The following BRAP variants were observed in gnomAD, a reference collection of about 807,000 sequenced individuals.
BRAP encodes the protein BRCA1-associated protein.
In BRAP, 42 loss-of-function variants were observed where a neutral mutation model predicts 73.4. The observed-to-expected ratio is 0.57, with a 90% CI of 0.45 to 0.74. The LOEUF (loss-of-function observed/expected upper bound fraction) is 0.74. Among genes scored for constraint, BRAP ranks in the 30% least tolerant of loss-of-function variants. The pLI is 0.00. For missense variants in BRAP, 593 were observed against 751.4 expected (o/e 0.79, Z 2.46); for synonymous variants, 255 against 267.4 (o/e 0.95, Z 0.45).
In BRAP at chr12:111,679,291, T is replaced by C; in HGVS notation, c.493A>G (p.Ile165Val). 1 of 1,605,988 alleles carries C rather than the reference T, an allele frequency of 6.2e-7. No homozygotes were observed. Among genetic ancestry groups the C allele is most frequent in the Non-Finnish European group, 8.5e-7 (1 of 1,175,472 alleles). ...EDVRRSAMLC[I>V]LTVPAAMTSH... Reference sequence around the variant, plus strand: ...GTCATTGCAGCAGGGACTGTGAGAATACACAGCATGGCACTGCGCCGCACA... The same window carrying C: ...GTCATTGCAGCAGGGACTGTGAGAACACACAGCATGGCACTGCGCCGCACA... Residue 165 changes from isoleucine (I) to valine (V), a missense_variant, in exon 4 of 12, where the codon ATT becomes GTT. Ile to Val is a conservative substitution (Grantham distance 29). This residue lies in a region of BRAP where 304 missense variants were observed against 337.7 expected (regional missense o/e 0.90). Coordinates refer to ENST00000419234, the MANE Select transcript of BRAP (RefSeq NM_006768.5).
chr12:111,674,664 A>G lies in BRAP; in HGVS notation c.634-1890T>C, dbSNP rs1409757927. Among the ~76,000 whole-genome samples the G allele has an allele frequency of 3.9e-5, 6 of 152,328 alleles. No individual in the cohort carries two copies. In the East Asian group the frequency reaches 1.2e-3, roughly 29 times the overall value. On this transcript the variant is annotated intron_variant, in intron 4 of 11. Transcript: ENST00000419234. ...AGGTCGGGGTGGAGAGGCTTTACTTAAGAAAATAATCCGTGTATTGAGCAT... is the reference window on the plus strand; with the variant it reads ...AGGTCGGGGTGGAGAGGCTTTACTTGAGAAAATAATCCGTGTATTGAGCAT...
At chr12:111,660,729 T>G in intron 6 of BRAP, 54 bp from the exon 7 acceptor site, 14 of 1,497,310 alleles carry the variant, frequency 9.4e-6, no homozygotes, top group South Asian at 1.3e-5. Flanking sequence ...AGACAGCTGT[T>G]ACAGAACCCA....
rs1886640251 is a variant in BRAP at position 111,658,991 on chromosome 12, G to A, written c.1112-146C>T. 6 of 793,734 alleles carry A rather than the reference G, an allele frequency of 7.6e-6. No individual in the cohort carries two copies. The East Asian group carries it at 1.6e-4, about 21-fold the overall frequency. The allele number at this position is 793,734 out of a possible 1,614,324, so 49.2% of individuals were successfully genotyped here. On this transcript the variant is annotated intron_variant, in intron 8 of 11. Coordinates refer to ENST00000419234, the MANE Select transcript of BRAP (RefSeq NM_006768.5). ...AGTGTCAAATCATTTGAATTTTAGA[G>A]GGGAGGGAGAAAGCAAGAATGGAAG...
chr12:111,683,888 G>A (rs751808587), intron 1 of BRAP, among the ~76,000 whole-genome samples: 3 of 152,148 alleles, frequency 2.0e-5, no homozygotes, highest in Non-Finnish European at 4.4e-5. Context: ...GAGCCTTAGA[G>A]AAGATGCAAC....
rs754156028 is a variant in BRAP, at chr12:111,655,684, T to C, written c.1222-29A>G. On this transcript the variant is annotated intron_variant, in intron 9 of 11. Coordinates refer to ENST00000419234, the MANE Select transcript of BRAP (RefSeq NM_006768.5). ...GAAACATAGAGAATAAAGACCAAAATGTAAGTCACTGTTGTCAGCCTCTGA... is the reference window on the plus strand; with the variant it reads ...GAAACATAGAGAATAAAGACCAAAACGTAAGTCACTGTTGTCAGCCTCTGA... 1.5e-5 allele frequency: 23 copies of C among 1,520,240 alleles called. 1 individual carries two copies. The South Asian group carries it at 1.8e-4, about 12-fold the overall frequency. 94.2% of individuals were successfully genotyped at this position (1,520,240 alleles called of 1,614,324 possible). A position where few individuals can be genotyped will look rare whatever the true frequency, so the allele number is the denominator to read the frequency against.
rs542178197 is a variant in BRAP, at chr12:111,643,038, T to C, written c.*1161A>G. 1 of 152,294 alleles carries C rather than the reference T, an allele frequency of 6.6e-6. No individual in the cohort carries two copies. Among genetic ancestry groups the C allele is most frequent in the South Asian group, 2.1e-4 (1 of 4,820 alleles). The allele number at this position is 152,294 out of a possible 1,614,324, so 9.4% of individuals were successfully genotyped here. On this transcript the variant is annotated 3_prime_UTR_variant, in exon 12 of 12. Coordinates refer to ENST00000419234, the MANE Select transcript of BRAP (RefSeq NM_006768.5). ...CTTACTAACCTATCCCTCTACCTCT[T>C]CAAGAAACTAAATTCCAACACAGGT... is the stretch of plus-strand genomic sequence containing the variant.
At chr12:111,679,876 C>CAAAA (rs398044813) in intron 3 of BRAP, among the ~76,000 whole-genome samples, 1 of 72,104 alleles carries the variant, frequency 1.4e-5, no homozygotes, top group South Asian at 5.1e-4. Context: ...GACTCCATCT[C>CAAAA]AAAAAAAAAA....
At chr12:111,668,498 TAAAC>T (rs1279168605) in intron 5 of BRAP, among the ~76,000 whole-genome samples, 1 of 152,130 alleles carries the variant, frequency 6.6e-6, no homozygotes, top group African/African-American at 2.4e-5. Flanking sequence ...AACTAGCTAA[TAAAC>T]AAAAAACAAG....
chr12:111,677,946 T>G (rs1806944250), intron 4 of BRAP, among the ~76,000 whole-genome samples: 1 of 152,152 alleles, frequency 6.6e-6, no homozygotes, highest in African/African-American at 2.4e-5. Flanking sequence ...ACAGGTACAC[T>G]CTTCCCCCAC....
At position 111,644,247 on chromosome 12, in the gene BRAP, G is replaced by A. The variant is rs768977133; in HGVS notation, c.1731C>T (p.Gly577=). ...CCTTCCTGGAGGGCAACTTCCCACT[G>A]CCCCCCGAAGAGGCAGGGCTCGAGG... ...ASASSPASSG[G]SGKLPSRKGR... The change falls in exon 12 of 12, where the codon GGC becomes GGT. Residue 577 remains glycine (G), a synonymous_variant. Transcript: ENST00000419234. The A allele has an allele frequency of 2.5e-6, 4 of 1,613,526 alleles. No homozygotes were observed. The South Asian group carries it at 4.4e-5, about 18-fold the overall frequency.
chr12:111,655,931 G>A (rs1749396831), intron 9 of BRAP, among the ~76,000 whole-genome samples: 1 of 152,158 alleles, frequency 6.6e-6, no homozygotes, highest in Non-Finnish European at 1.5e-5. Context: ...GAACCACAGT[G>A]GTTTTAAATC....
In BRAP at chr12:111,660,678, A is replaced by G; in HGVS notation, c.897-3T>C. 1 of 1,599,132 alleles carries G rather than the reference A, an allele frequency of 6.3e-7. No individual in the cohort carries two copies. Among genetic ancestry groups the G allele is most frequent in the Non-Finnish European group, 8.5e-7 (1 of 1,173,676 alleles). ...GACAGTACCGGCAAACAGGACACCT[A>G]TCCAGGACACCAAAAGATAATGGTG... On this transcript the variant is annotated splice_region_variant and splice_polypyrimidine_tract_variant and intron_variant, in intron 6 of 11. Transcript: ENST00000419234.
chr12:111,648,100 C>T (rs1886179249), intron 11 of BRAP, among the ~76,000 whole-genome samples: 1 of 151,788 alleles, frequency 6.6e-6, no homozygotes, highest in African/African-American at 2.4e-5. Flanking sequence ...GAGATCGAGA[C>T]CATCCTGGCC....
Position 111,672,660 on chromosome 12 carries a change from C to G in BRAP, c.747+1G>C. 1.2e-6 allele frequency: 2 copies of G among 1,606,906 alleles called. No homozygotes were observed. Among genetic ancestry groups the G allele is most frequent in the Non-Finnish European group, 1.7e-6 (2 of 1,174,678 alleles). ...TAAATATAGGAACAATTCACACTTA[C>G]ATCTTCAGATTTGAGCACTTCAGCT... is the stretch of plus-strand genomic sequence containing the variant. On this transcript the variant is annotated splice_donor_variant, in intron 5 of 11. Coordinates refer to ENST00000419234, the MANE Select transcript of BRAP (RefSeq NM_006768.5). LOFTEE classifies it high-confidence loss of function.
rs1330371079 is a variant in BRAP at position 111,665,553 on chromosome 12, A to C, written c.896+86T>G. ...TCTTGAATAAAGTCAAATACTTGGAATGGTTCATTTCTGCTGGTGGCTCTT... is the reference window on the plus strand; with the variant it reads ...TCTTGAATAAAGTCAAATACTTGGACTGGTTCATTTCTGCTGGTGGCTCTT... On this transcript the variant is annotated intron_variant, in intron 6 of 11. Coordinates refer to ENST00000419234, the MANE Select transcript of BRAP (RefSeq NM_006768.5). The surrounding 1 kb of genome is among the most constrained non-coding windows in gnomAD (Gnocchi z 4.3). The C allele has an allele frequency of 2.6e-6, 4 of 1,531,222 alleles. No homozygotes were observed. In the African/African-American group the frequency reaches 5.5e-5, roughly 21 times the overall value. The allele number at this position is 1,531,222 out of a possible 1,614,324, so 94.9% of individuals were successfully genotyped here. A position where few individuals can be genotyped will look rare whatever the true frequency, so the allele number is the denominator to read the frequency against.
chr12:111,672,886 C>A, intron 4 of BRAP, 112 bp from the exon 5 acceptor site: 1 of 831,360 alleles, frequency 1.2e-6, no homozygotes, highest in Non-Finnish European at 1.8e-6. Flanking sequence ...AAAATTTATA[C>A]TTAGGAGAGA....
chr12:111,667,134 A>C (rs550326392), intron 5 of BRAP, among the ~76,000 whole-genome samples: 20 of 152,308 alleles, frequency 1.3e-4, no homozygotes, highest in African/African-American at 4.8e-4. Flanking sequence ...GATATAATTA[A>C]ATCATGTAAG....
At chr12:111,682,920 C>T (rs748633239) in intron 2 of BRAP, among the ~76,000 whole-genome samples, 13 of 151,776 alleles carry the variant, frequency 8.6e-5, no homozygotes, top group Non-Finnish European at 1.2e-4. Flanking sequence ...AAAAAAAAGT[C>T]CCCCCCGTCA....
intron 10 of BRAP, 94 bp downstream of exon 10, chr12:111,655,472 G>A (rs1469549928): frequency 1.0e-5 from 10 of 995,398 alleles, no homozygotes; most frequent in Non-Finnish European, 1.2e-5. Context: ...AAGATGGTAA[G>A]ATTCCTCTTT....
Sources: gnomAD v4.1 joint callset for allele counts (sites outside exome capture counted in the v4.1 genomes callset) on GRCh38, gnomAD v4.1.1 for gene constraint, gnomAD v4.1.1 regional missense constraint, Gnocchi (gnomAD v3.1) non-coding constraint, MANE v1.5 for transcripts, NCBI Gene and HGNC (gene_info 2026-07-23, HGNC 2026-07-21) for gene names.